The following TSPAN7 variants were observed in gnomAD, a reference collection of about 807,000 sequenced individuals.
TSPAN7 encodes the protein tetraspanin-7.
TSPAN7 carries 1 observed loss-of-function variant against 17.6 expected under a neutral mutation model. That is an observed-to-expected ratio of 0.06 (90% CI 0.02 to 0.27). The LOEUF is 0.27. Ranked by LOEUF, TSPAN7 falls within the 10% of genes least tolerant of loss-of-function variation. The probability of loss-of-function intolerance (pLI) is 1.00; values close to 1 mark genes in which losing one functional copy is unlikely to be tolerated. For synonymous variants in TSPAN7, 78 were observed against 79.0 expected, an observed-to-expected ratio of 0.99 and a Z score of 0.07; for missense variants, 112 against 201.7, an observed-to-expected ratio of 0.56 and a Z score of 2.69.
rs139291181 is a variant in TSPAN7 at position 38,617,898 on chromosome X, C to T, written c.82-48223C>T. 3.6e-3 allele frequency among the ~76,000 whole-genome samples: 401 copies of T among 111,921 alleles called. 4 individuals carry two copies. The highest frequency in any genetic ancestry group is 5.1e-3 in the Non-Finnish European group (273 of 53,158). ...GATTGACTACTGGGAAAAACAGCCT[C>T]ATCTTACATTTTTACTATTTGTTTG... On this transcript the variant is annotated intron_variant, in intron 1 of 7. Transcript: ENST00000378482.
intron 1 of TSPAN7, among the ~76,000 whole-genome samples, chrX:38,634,018 T>C (rs771681397): frequency 2.7e-5 from 3 of 112,323 alleles, no homozygotes; most frequent in South Asian, 3.7e-4. Context: ...TAGTAAAAGA[T>C]TGATGTAAGA....
chrX:38,604,308 T>C (rs1440839028), intron 1 of TSPAN7, among the ~76,000 whole-genome samples: 1 of 105,835 alleles, frequency 9.4e-6, no homozygotes, highest in Non-Finnish European at 1.9e-5. Context: ...GTCTTTGCTA[T>C]TGTGAATAGT....
At chrX:38,579,417 T>TA (rs1409736762) in intron 1 of TSPAN7, among the ~76,000 whole-genome samples, 1,537 of 102,138 alleles carry the variant, frequency 0.015, 33 homozygotes, top group African/African-American at 0.05. Flanking sequence ...CCGTCTCTAC[T>TA]AAAAAAAAAA....
chrX:38,588,944 A>G (rs1011262866), intron 1 of TSPAN7, among the ~76,000 whole-genome samples: 4 of 111,792 alleles, frequency 3.6e-5, no homozygotes, highest in African/African-American at 1.3e-4. Flanking sequence ...AGGCATTTAA[A>G]TTCCCATTTG....
rs185296045 is a variant in TSPAN7 at position 38,679,528 on chromosome X, G to A, written c.598-1676G>A. Among the ~76,000 whole-genome samples, 156 of 111,216 alleles carry A rather than the reference G, an allele frequency of 1.4e-3. 1 individual carries two copies. The highest frequency in any genetic ancestry group is 4.7e-3 in the African/African-American group (145 of 30,589). ...TGAAAAATAGTGTGAGGCTGGGCAC[G>A]GTGGCTCATGCCTGTAATCCCAGCA... On this transcript the variant is annotated intron_variant, in intron 5 of 7. Coordinates refer to ENST00000378482, the MANE Select transcript of TSPAN7 (RefSeq NM_004615.4).
At chrX:38,676,225 C>G (rs761799749) in intron 5 of TSPAN7, among the ~76,000 whole-genome samples, 2 of 111,286 alleles carry the variant, frequency 1.8e-5, no homozygotes, top group East Asian at 5.7e-4. Context: ...TTGTTTGCAG[C>G]TGGGTGTCAG....
At chrX:38,585,311 AT>A (rs1406809177) in intron 1 of TSPAN7, among the ~76,000 whole-genome samples, 3 of 111,100 alleles carry the variant, frequency 2.7e-5, no homozygotes, top group Non-Finnish European at 5.7e-5. Context: ...ACTTCTCAAT[AT>A]TTTTCCAATC....
At chrX:38,623,775 A>G (rs1465567979) in intron 1 of TSPAN7, among the ~76,000 whole-genome samples, 1 of 108,772 alleles carries the variant, frequency 9.2e-6, no homozygotes, top group Non-Finnish European at 1.9e-5. Flanking sequence ...TGTGTCCCCA[A>G]ACTGAACAGA....
intron 1 of TSPAN7, among the ~76,000 whole-genome samples, chrX:38,660,521 G>A (rs2069737642): frequency 8.9e-6 from 1 of 111,992 alleles, no homozygotes; most frequent in Admixed American, 9.5e-5. Context: ...GAGGAACGTG[G>A]ATTTTAATTA....
intron 1 of TSPAN7, among the ~76,000 whole-genome samples, chrX:38,602,067 T>A (rs1250891264): frequency 9.0e-6 from 1 of 111,627 alleles, no homozygotes; most frequent in African/African-American, 3.3e-5. Flanking sequence ...TGGGGAAGTG[T>A]GACTTACTGG....
chrX:38,686,561 T>C (rs773220056), intron 6 of TSPAN7, among the ~76,000 whole-genome samples: 1 of 111,946 alleles, frequency 8.9e-6, no homozygotes, highest in East Asian at 2.8e-4. Context: ...ATGCTCTTGG[T>C]CCTGGGGTCA....
At chrX:38,667,067 T>G (rs1167484314) in intron 2 of TSPAN7, among the ~76,000 whole-genome samples, 1 of 111,752 alleles carries the variant, frequency 8.9e-6, no homozygotes, top group Non-Finnish European at 1.9e-5. Context: ...GATGCATGTG[T>G]GTGGTCTTCT....
chrX:38,684,488 A>T (rs1292180213), intron 6 of TSPAN7, among the ~76,000 whole-genome samples: 1 of 111,065 alleles, frequency 9.0e-6, no homozygotes, highest in Non-Finnish European at 1.9e-5. Flanking sequence ...GGAGAGTGAG[A>T]GATGGAGCAT....
intron 1 of TSPAN7, among the ~76,000 whole-genome samples, chrX:38,567,816 T>C (rs187286101): frequency 8.9e-6 from 1 of 112,052 alleles, no homozygotes; most frequent in East Asian, 2.8e-4. Context: ...CTCCCATACT[T>C]GTATCTTCCC....
chrX:38,597,755 A>G (rs186594070), intron 1 of TSPAN7, among the ~76,000 whole-genome samples: 17 of 111,823 alleles, frequency 1.5e-4, no homozygotes, highest in Non-Finnish European at 2.5e-4. Context: ...CTATATGTTT[A>G]AAACACAATT....
intron 1 of TSPAN7, among the ~76,000 whole-genome samples, chrX:38,655,342 G>T (rs1459048923): frequency 9.0e-6 from 1 of 110,845 alleles, no homozygotes; most frequent in Non-Finnish European, 1.9e-5. Flanking sequence ...TTACCTTAAA[G>T]TTATTTTTTT....
At chrX:38,636,330 G>A (rs934615987) in intron 1 of TSPAN7, among the ~76,000 whole-genome samples, 13 of 111,862 alleles carry the variant, frequency 1.2e-4, no homozygotes, top group African/African-American at 4.2e-4. Context: ...GTGAATAACC[G>A]TTACTCATTC....
At chrX:38,668,936 AT>A (rs61214693) in intron 2 of TSPAN7, among the ~76,000 whole-genome samples, 11,256 of 104,021 alleles carry the variant, frequency 0.11, 1,482 homozygotes, top group African/African-American at 0.37. Flanking sequence ...ATCAGCATTT[AT>A]TTTTTTTTTT....
chrX:38,643,557 C>T (rs745416723), intron 1 of TSPAN7, among the ~76,000 whole-genome samples: 9 of 108,580 alleles, frequency 8.3e-5, no homozygotes, highest in Non-Finnish European at 1.3e-4. Flanking sequence ...TAAACCAGGG[C>T]CGGGCACGGT....
Sources: allele counts gnomAD v4.1 joint callset (sites outside exome capture counted in the v4.1 genomes callset), GRCh38; gene constraint gnomAD v4.1.1; transcripts MANE v1.5; gene names NCBI Gene and HGNC (gene_info 2026-07-23, HGNC 2026-07-21).